Variants in UBE3A observed in about 807,000 individuals in gnomAD.
UBE3A encodes ubiquitin protein ligase E3A.
UBE3A carries 6 observed loss-of-function variants against 83.4 expected under a neutral mutation model. The observed-to-expected ratio is 0.07, with a 90% CI of 0.04 to 0.14. The LOEUF is 0.14. UBE3A is among the 10% of genes least tolerant of loss of function. The pLI is 1.00. For missense variants in UBE3A, 456 were observed against 1,036.1 expected, an observed-to-expected ratio of 0.44 and a Z score of 7.69; for synonymous variants, 337 against 355.4, an observed-to-expected ratio of 0.95 and a Z score of 0.58.
chr15:25,368,870 C>T (rs769388806), intron 6 of UBE3A, among the ~76,000 whole-genome samples: 1 of 151,962 alleles, frequency 6.6e-6, no homozygotes, highest in Admixed American at 6.6e-5. Context: ...GACTTCTGAG[C>T]GAAAGACAGA....
At chr15:25,344,526 T>TA (rs897707733) in intron 11 of UBE3A, among the ~76,000 whole-genome samples, 37 of 152,206 alleles carry the variant, frequency 2.4e-4, no homozygotes, top group African/African-American at 8.7e-4. Flanking sequence ...AGGGTCATTT[T>TA]AAAAGCACAC....
At chr15:25,392,645 G>A (rs2084667305) in intron 4 of UBE3A, among the ~76,000 whole-genome samples, 3 of 152,110 alleles carry the variant, frequency 2.0e-5, no homozygotes, top group Admixed American at 2.0e-4. Context: ...TAGGAGAGGT[G>A]AATCACAAAA....
chr15:25,397,629 T>A (rs1423021862), intron 4 of UBE3A, among the ~76,000 whole-genome samples: 1 of 152,184 alleles, frequency 6.6e-6, no homozygotes, highest in Non-Finnish European at 1.5e-5. Flanking sequence ...AAGTCCACCA[T>A]TATTCTTCTA....
At chr15:25,363,961 G>A (rs1174360554) in intron 6 of UBE3A, among the ~76,000 whole-genome samples, 1 of 151,792 alleles carries the variant, frequency 6.6e-6, no homozygotes, top group Non-Finnish European at 1.5e-5. Context: ...GGAGGCCAAT[G>A]CAGGCAGATT....
chr15:25,369,494 T>G (rs1441588491), intron 6 of UBE3A, among the ~76,000 whole-genome samples: 2 of 152,048 alleles, frequency 1.3e-5, no homozygotes, highest in African/African-American at 4.8e-5. Context: ...AAACTAAAAT[T>G]TAGACATTCT....
At chr15:25,429,475 C>G (rs1045636105) in intron 1 of UBE3A, among the ~76,000 whole-genome samples, 12 of 152,110 alleles carry the variant, frequency 7.9e-5, no homozygotes, top group Admixed American at 2.6e-4. Flanking sequence ...AATGTCCAAG[C>G]TGATAATTAC....
chr15:25,414,023 T>C (rs566052099), intron 1 of UBE3A, among the ~76,000 whole-genome samples: 2 of 152,326 alleles, frequency 1.3e-5, no homozygotes, highest in East Asian at 3.9e-4. Flanking sequence ...ATAGCACCTC[T>C]ATGCTTACAA....
chr15:25,417,378 C>A (rs77764328), intron 1 of UBE3A, among the ~76,000 whole-genome samples: 1 of 151,772 alleles, frequency 6.6e-6, no homozygotes, highest in Non-Finnish European at 1.5e-5. Flanking sequence ...AATCTAGACA[C>A]CCAACAACAA....
chr15:25,408,610 G>A, intron 3 of UBE3A: 1 of 1,613,808 alleles, frequency 6.2e-7, no homozygotes, highest in Non-Finnish European at 8.5e-7. Flanking sequence ...AAATTCAAAT[G>A]GTGGCTCACT....
At chr15:25,363,703 TTATTC>T (rs1461332108) in intron 6 of UBE3A, among the ~76,000 whole-genome samples, 1 of 152,204 alleles carries the variant, frequency 6.6e-6, no homozygotes, top group Admixed American at 6.5e-5. Flanking sequence ...TTTATTTTCC[TTATTC>T]TTTTCCATAT....
At position 25,357,191 on chromosome 15, in the gene UBE3A, T is replaced by C. The variant is rs1457872226; in HGVS notation, c.1754-295A>G. The C allele has an allele frequency of 1.4e-5, 3 of 221,846 alleles. No homozygotes were observed. The East Asian group carries it at 3.2e-4, about 24-fold the overall frequency. The allele number at this position is 221,846 out of a possible 1,614,324, so 13.7% of individuals were successfully genotyped here. A position where few individuals can be genotyped will look rare whatever the true frequency, so the allele number is the denominator to read the frequency against. ...GTTAATTAAATTCAAGCTTTCTAAT[T>C]TTCTACTAACACATAAGAAAAGTTA... On this transcript the variant is annotated intron_variant, in intron 7 of 12. Transcript: ENST00000648336.
intron 7 of UBE3A, among the ~76,000 whole-genome samples, chr15:25,357,947 C>T (rs987129531): frequency 2.1e-5 from 3 of 143,700 alleles, no homozygotes; most frequent in Non-Finnish European, 3.0e-5. Flanking sequence ...CTCTGTCGCC[C>T]AAGCTGGAGT....
At chr15:25,392,698 C>T (rs2152967295) in intron 4 of UBE3A, among the ~76,000 whole-genome samples, 1 of 152,152 alleles carries the variant, frequency 6.6e-6, no homozygotes, top group Middle Eastern at 3.4e-3. Context: ...AAGAATGTTT[C>T]AGACAGGGGA....
chr15:25,395,482 C>G (rs896207682), intron 4 of UBE3A, among the ~76,000 whole-genome samples: 1 of 151,972 alleles, frequency 6.6e-6, no homozygotes. Flanking sequence ...GTGTAGCCAA[C>G]AAGATTTACC....
intron 6 of UBE3A, among the ~76,000 whole-genome samples, chr15:25,364,933 A>G (rs376780763): frequency 1.3e-5 from 2 of 152,224 alleles, no homozygotes; most frequent in South Asian, 4.1e-4. Flanking sequence ...GGTGTGAGCC[A>G]CCGCGCCAGG....
At chr15:25,432,454 T>C (rs576637494) in intron 1 of UBE3A, among the ~76,000 whole-genome samples, 28 of 152,278 alleles carry the variant, frequency 1.8e-4, no homozygotes, top group African/African-American at 6.7e-4. Flanking sequence ...ACAGCAATGG[T>C]AGCATCTTCA....
At chr15:25,368,783 C>G (rs1287088361) in intron 6 of UBE3A, among the ~76,000 whole-genome samples, 1 of 151,850 alleles carries the variant, frequency 6.6e-6, no homozygotes, top group Non-Finnish European at 1.5e-5. Context: ...AAGTATATAC[C>G]AAGTACTTAA....
At chr15:25,382,378 A>T (rs971476174) in intron 4 of UBE3A, among the ~76,000 whole-genome samples, 2 of 150,384 alleles carry the variant, frequency 1.3e-5, no homozygotes, top group Non-Finnish European at 2.9e-5. Flanking sequence ...CTCAATATCC[A>T]GAATGCGTGA....
chr15:25,435,627 G>T (rs1178023837), intron 1 of UBE3A, among the ~76,000 whole-genome samples: 1 of 152,120 alleles, frequency 6.6e-6, no homozygotes, highest in Non-Finnish European at 1.5e-5. Flanking sequence ...TATGAACAAG[G>T]GAAGAGGGCC....
Sources: allele counts gnomAD v4.1 joint callset (sites outside exome capture counted in the v4.1 genomes callset), GRCh38; gene constraint gnomAD v4.1.1; transcripts MANE v1.5; gene names NCBI Gene and HGNC (gene_info 2026-07-23, HGNC 2026-07-21).